Variants in TACC1 observed in about 807,000 individuals in gnomAD.
TACC1 encodes the protein transforming acidic coiled-coil-containing protein 1.
Under a neutral mutation model 84.4 loss-of-function variants are expected in TACC1, and 48 were observed. The ratio of observed to expected loss-of-function variants is 0.57; its 90% CI spans 0.45 to 0.72. The LOEUF is 0.72. Ranked by LOEUF, TACC1 falls within the 30% of genes least tolerant of loss-of-function variation. TACC1 has a pLI of 0.00. For synonymous variants in TACC1, 372 were observed against 376.3 expected (o/e 0.99, Z 0.13); for missense variants, 920 against 973.0 (o/e 0.95, Z 0.72).
chr8:38,748,017 TA>T (rs987758343), intron 3 of TACC1, among the ~76,000 whole-genome samples: 20 of 151,984 alleles, frequency 1.3e-4, no homozygotes, highest in African/African-American at 4.4e-4. Flanking sequence ...AAAACTGCTC[TA>T]AAAAAATAAA....
intron 1 of TACC1, among the ~76,000 whole-genome samples, chr8:38,730,487 A>G (rs1205584761): frequency 1.3e-5 from 2 of 152,258 alleles, no homozygotes; most frequent in Non-Finnish European, 2.9e-5. Context: ...TGAGCCAGGC[A>G]TGGGGCTGAG....
chr8:38,814,107 G>A (rs543397464), intron 2 of TACC1, among the ~76,000 whole-genome samples: 59 of 152,152 alleles, frequency 3.9e-4, no homozygotes, highest in African/African-American at 1.1e-3. Context: ...TGTGTCACTT[G>A]GATAATCAAA....
intron 1 of TACC1, among the ~76,000 whole-genome samples, chr8:38,734,444 C>T (rs932095208): frequency 1.3e-5 from 2 of 152,176 alleles, no homozygotes; most frequent in Non-Finnish European, 2.9e-5. Flanking sequence ...GATCCGCCCT[C>T]GTTGGCCTCC....
At position 38,787,509 on chromosome 8, in the gene TACC1, C is replaced by T. The variant is rs1199967397; in HGVS notation, c.-74C>T. 3 of 1,429,676 alleles carry T rather than the reference C, an allele frequency of 2.1e-6. No individual in the cohort carries two copies. Among genetic ancestry groups the T allele is most frequent in the Non-Finnish European group, 2.7e-6 (3 of 1,095,600 alleles). The allele number at this position is 1,429,676 out of a possible 1,614,324, so 88.6% of individuals were successfully genotyped here. A position where few individuals can be genotyped will look rare whatever the true frequency, so the allele number is the denominator to read the frequency against. On this transcript the variant is annotated 5_prime_UTR_variant, in exon 1 of 13. Transcript: ENST00000317827. ...GCTGGCGCCTGTCACCGGTTCCCTCCATTTTGAAAGGGAAAAAGGCTCTCC... is the reference window on the plus strand; with the variant it reads ...GCTGGCGCCTGTCACCGGTTCCCTCTATTTTGAAAGGGAAAAAGGCTCTCC...
intron 2 of TACC1, among the ~76,000 whole-genome samples, chr8:38,815,273 C>T (rs16887776): frequency 0.024 from 3,625 of 152,298 alleles, 133 homozygotes; most frequent in African/African-American, 0.075. Flanking sequence ...GTTCCTAGAA[C>T]GCCTGTTCAT....
rs201156634 is a variant in TACC1 at position 38,772,716 on chromosome 8, CAATA to C, written c.27-15983_27-15980del. Reference sequence around the variant, plus strand: ...CAAAAGATAATATGTATAATTAAATCAATAAATATTAATTTGTTAAATGTTAATA... The same window carrying C: ...CAAAAGATAATATGTATAATTAAATCAATATTAATTTGTTAAATGTTAATA... On this transcript the variant is annotated intron_variant, in intron 3 of 14. Transcript: ENST00000518415. 1.1e-3 allele frequency among the ~76,000 whole-genome samples: 167 copies of C among 151,800 alleles called. No homozygotes were observed. The East Asian group carries it at 0.026, about 24-fold the overall frequency.
At chr8:38,774,345 G>A (rs1188908974) in intron 3 of TACC1, among the ~76,000 whole-genome samples, 3 of 152,184 alleles carry the variant, frequency 2.0e-5, no homozygotes, top group Non-Finnish European at 2.9e-5. Flanking sequence ...ATGAGGGCAG[G>A]AACTGGGTCT....
intron 3 of TACC1, among the ~76,000 whole-genome samples, chr8:38,758,546 G>A (rs1418458384): frequency 6.6e-6 from 1 of 151,894 alleles, no homozygotes; most frequent in African/African-American, 2.4e-5. Flanking sequence ...TAGCATGGCG[G>A]TGCGAGCCTG....
chr8:38,781,879 A>G (rs1432798636), intron 3 of TACC1, among the ~76,000 whole-genome samples: 3 of 152,088 alleles, frequency 2.0e-5, no homozygotes, highest in African/African-American at 4.8e-5. Flanking sequence ...CTCTAGGTAT[A>G]AAACTCTCAG....
chr8:38,747,168 A>G (rs1587187912), intron 3 of TACC1, among the ~76,000 whole-genome samples: 2 of 152,364 alleles, frequency 1.3e-5, no homozygotes, highest in Admixed American at 6.5e-5. Context: ...CTACACATCT[A>G]CTAGAATAGC....
intron 2 of TACC1, among the ~76,000 whole-genome samples, chr8:38,795,252 T>C (rs1819695261): frequency 6.6e-6 from 1 of 152,230 alleles, no homozygotes; most frequent in Non-Finnish European, 1.5e-5. Context: ...CAACAGTGTC[T>C]GAATAAAAAA....
intron 9 of TACC1, among the ~76,000 whole-genome samples, chr8:38,841,211 T>C (rs1050106218): frequency 1.3e-4 from 20 of 152,218 alleles, no homozygotes; most frequent in African/African-American, 4.1e-4. Context: ...TTCATTAACA[T>C]TGAGCTCACA....
chr8:38,807,101 T>C (rs1314016329), intron 2 of TACC1, among the ~76,000 whole-genome samples: 1 of 152,178 alleles, frequency 6.6e-6, no homozygotes, highest in Non-Finnish European at 1.5e-5. Context: ...AGAGCTTCCA[T>C]GCCCTCTCTG....
In TACC1 at chr8:38,836,142, T is replaced by G; in HGVS notation, c.1714-20T>G. 1 of 1,612,188 alleles carries G rather than the reference T, an allele frequency of 6.2e-7. No homozygotes were observed. Among genetic ancestry groups the G allele is most frequent in the Non-Finnish European group, 8.5e-7 (1 of 1,179,164 alleles). On this transcript the variant is annotated intron_variant, in intron 6 of 12. Transcript: ENST00000317827. ...AGAAGCTGAAAGCTGACAGATTCAG[T>G]GTAATCCCTTTCCCCACAGGGGCTG... is the stretch of plus-strand genomic sequence containing the variant.
chr8:38,751,996 C>T (rs1041850294), intron 3 of TACC1, among the ~76,000 whole-genome samples: 10 of 152,098 alleles, frequency 6.6e-5, no homozygotes, highest in African/African-American at 2.4e-4. Context: ...TGGTTACTTT[C>T]GTTAACCACC....
rs1832746358 is a variant in TACC1 at position 38,848,908 on chromosome 8, A to C, written c.*885A>C. The C allele has an allele frequency of 6.7e-6, 1 of 149,036 alleles. No individual in the cohort carries two copies. 9.2% of individuals were successfully genotyped at this position (149,036 alleles called of 1,614,324 possible). A position where few individuals can be genotyped will look rare whatever the true frequency, so the allele number is the denominator to read the frequency against. ...TGGCAAGTCTGCCCTAGAGTCATTT[A>C]CTCTCCTCTGCCTCCATTTGTTAAT... On this transcript the variant is annotated 3_prime_UTR_variant, in exon 13 of 13. Transcript: ENST00000317827.
intron 3 of TACC1, among the ~76,000 whole-genome samples, chr8:38,822,520 AATTT>A (rs1827110462): frequency 6.6e-6 from 1 of 152,182 alleles, no homozygotes; most frequent in South Asian, 2.1e-4. Context: ...AGCTATGCTA[AATTT>A]ATTTAAGTTT....
At chr8:38,819,382 C>T in intron 2 of TACC1, 140 bp from the exon 3 acceptor site, 1 of 991,332 alleles carries the variant, frequency 1.0e-6, no homozygotes, top group Non-Finnish European at 1.5e-6. Context: ...GCTGTGCTGC[C>T]ATCCTTCCTG....
chr8:38,761,473 G>C (rs886486164), intron 3 of TACC1, among the ~76,000 whole-genome samples: 1 of 152,206 alleles, frequency 6.6e-6, no homozygotes, highest in Non-Finnish European at 1.5e-5. Flanking sequence ...TGATCAATTA[G>C]GTGCTGGCTA....
Sources: gnomAD v4.1 joint callset for allele counts (sites outside exome capture counted in the v4.1 genomes callset) on GRCh38, gnomAD v4.1.1 for gene constraint, MANE v1.5 for transcripts, NCBI Gene and HGNC (gene_info 2026-07-23, HGNC 2026-07-21) for gene names.